The following PEAK1 variants were observed in gnomAD, a reference collection of about 807,000 sequenced individuals.
The protein encoded by PEAK1 is inactive tyrosine-protein kinase PEAK1.
Under a neutral mutation model 124.7 loss-of-function variants are expected in PEAK1, and 54 were observed. That is an observed-to-expected ratio of 0.43 (90% CI 0.35 to 0.54). PEAK1 has a LOEUF of 0.54. Among genes scored for constraint, PEAK1 ranks in the 20% least tolerant of loss-of-function variants. The pLI, the probability that PEAK1 is intolerant of heterozygous loss-of-function variation, is 0.01. For missense variants in PEAK1, 2,046 were observed against 2,134.5 expected (o/e 0.96, Z 0.82); for synonymous variants, 719 against 760.0 (o/e 0.95, Z 0.89).
intron 5 of PEAK1, among the ~76,000 whole-genome samples, chr15:77,265,040 C>T (rs1400123609): frequency 6.6e-6 from 1 of 152,180 alleles, no homozygotes; most frequent in Non-Finnish European, 1.5e-5. Context: ...GCTGGGAAAA[C>T]TGTCTAGCCA....
chr15:77,337,835 G>A, intron 2 of PEAK1: 1 of 985,230 alleles, frequency 1.0e-6, no homozygotes, highest in Non-Finnish European at 1.2e-6. Flanking sequence ...ATGCAATAGA[G>A]CTAAGAAGAG....
Position 77,133,107 on chromosome 15 carries a change from T to G in PEAK1, c.3975A>C (p.Ser1325=). ...GTTTGTCACTGGTTAGCCTGAAGTC[T>G]GACCAGCTGTCCACTCCAAAACGGA... The part of the protein sequence containing the change: ...DQLRFGVDSW[S]DFRLTSDKPC... The change falls in exon 9 of 10, where the codon TCA becomes TCC. Residue 1325 remains serine (S), a synonymous_variant. Coordinates refer to ENST00000682557, the MANE Select transcript of PEAK1 (RefSeq NM_001385026.1). The surrounding 1 kb of genome is among the most constrained non-coding windows in gnomAD (Gnocchi z 4.2). The G allele has an allele frequency of 3.7e-6, 6 of 1,614,264 alleles. No homozygotes were observed. The highest frequency in any genetic ancestry group is 5.1e-6 in the Non-Finnish European group (6 of 1,180,040).
chr15:77,168,202 A>G (rs2056247993), intron 7 of PEAK1, among the ~76,000 whole-genome samples: 3 of 151,226 alleles, frequency 2.0e-5, no homozygotes, highest in Admixed American at 2.0e-4. Context: ...TTCATTTTCC[A>G]TGCCATATGT....
At chr15:77,306,974 A>G (rs925801902) in intron 2 of PEAK1, among the ~76,000 whole-genome samples, 1 of 152,176 alleles carries the variant, frequency 6.6e-6, no homozygotes, top group Non-Finnish European at 1.5e-5. Context: ...TCTCAATTAA[A>G]GGTTCCATAT....
At chr15:77,212,823 A>G (rs1423367897) in intron 6 of PEAK1, among the ~76,000 whole-genome samples, 1 of 152,234 alleles carries the variant, frequency 6.6e-6, no homozygotes, top group Admixed American at 6.5e-5. Context: ...GATATGAGAA[A>G]CATCTCATCA....
chr15:77,175,937 G>A (rs1220207501), intron 7 of PEAK1, among the ~76,000 whole-genome samples: 2 of 152,138 alleles, frequency 1.3e-5, no homozygotes, highest in Non-Finnish European at 2.9e-5. Context: ...AAAATGATGA[G>A]TTCATGTCCT....
chr15:77,135,369 G>T (rs2053226938), intron 8 of PEAK1, among the ~76,000 whole-genome samples: 2 of 152,212 alleles, frequency 1.3e-5, no homozygotes, highest in African/African-American at 4.8e-5. Flanking sequence ...TGTTGCTTAT[G>T]ACAGGGATAA....
intron 2 of PEAK1, among the ~76,000 whole-genome samples, chr15:77,313,702 A>ATATATATATATATATATATATATG (rs1213561861): frequency 6.7e-5 from 8 of 119,440 alleles, no homozygotes; most frequent in African/African-American, 2.9e-4. Flanking sequence ...GTATATATAT[A>ATATATATATATATATATATATATG]TATGTATGTG....
At position 77,345,238 on chromosome 15, in the gene PEAK1, T is replaced by G. The variant is rs577663876; in HGVS notation, c.-603+19925A>C. Among the ~76,000 whole-genome samples the G allele has an allele frequency of 1.5e-3, 224 of 152,322 alleles. 1 individual carries two copies. Among genetic ancestry groups the G allele is most frequent in the African/African-American group, 5.2e-3 (216 of 41,576 alleles). ...CTACTCTTAATTTGTTGAGTGTTTT[T>G]TATCGTGAAAGGGTGTTAAATCTTG... On this transcript the variant is annotated intron_variant, in intron 2 of 9. Coordinates refer to ENST00000682557, the MANE Select transcript of PEAK1 (RefSeq NM_001385026.1).
At chr15:77,159,797 G>A (rs966761909) in intron 7 of PEAK1, among the ~76,000 whole-genome samples, 1 of 152,178 alleles carries the variant, frequency 6.6e-6, no homozygotes, top group Non-Finnish European at 1.5e-5. Context: ...GGATTTAAGG[G>A]AGTAGATCTA....
chr15:77,152,284 CTGTT>C (rs1305500232), intron 8 of PEAK1, among the ~76,000 whole-genome samples: 4 of 152,150 alleles, frequency 2.6e-5, no homozygotes, highest in East Asian at 1.9e-4. Flanking sequence ...ATTTGGCTCT[CTGTT>C]TGTCTGTTAT....
intron 6 of PEAK1, among the ~76,000 whole-genome samples, chr15:77,204,053 T>C (rs906100947): frequency 3.3e-5 from 5 of 152,208 alleles, no homozygotes; most frequent in African/African-American, 1.2e-4. Context: ...AAAATAACTC[T>C]TAATTCTCAA....
intron 1 of PEAK1, chr15:77,401,549 T>C (rs1160867411): frequency 1.0e-6 from 1 of 977,652 alleles, no homozygotes; most frequent in East Asian, 1.1e-4. Flanking sequence ...TTTTGTTTCT[T>C]AAAAAACTCA....
chr15:77,338,337 TGAGG>T (rs905865872), intron 2 of PEAK1, among the ~76,000 whole-genome samples: 8 of 152,310 alleles, frequency 5.3e-5, no homozygotes, highest in African/African-American at 1.7e-4. Flanking sequence ...TTCCTCTTGC[TGAGG>T]GAGGAAGCTA....
At chr15:77,266,181 A>G (rs542259149) in intron 5 of PEAK1, among the ~76,000 whole-genome samples, 29 of 152,360 alleles carry the variant, frequency 1.9e-4, no homozygotes, top group African/African-American at 5.8e-4. Flanking sequence ...GCAGCGCACC[A>G]GCATGTCACA....
intron 8 of PEAK1, among the ~76,000 whole-genome samples, chr15:77,136,259 A>C (rs939080290): frequency 2.7e-4 from 41 of 152,226 alleles, no homozygotes; most frequent in African/African-American, 7.2e-4. Context: ...TGAACTTGAG[A>C]GAGAAGACTT....
chr15:77,416,112 A>G (rs1193850291), intron 1 of PEAK1, among the ~76,000 whole-genome samples: 1 of 152,208 alleles, frequency 6.6e-6, no homozygotes, highest in African/African-American at 2.4e-5. Context: ...AGACTTCATT[A>G]GGTCTTTATC....
chr15:77,168,421 T>C (rs1423155521), intron 7 of PEAK1, among the ~76,000 whole-genome samples: 2 of 152,180 alleles, frequency 1.3e-5, no homozygotes, highest in Admixed American at 1.3e-4. Flanking sequence ...GGCCACATGG[T>C]AAGTATTTTA....
At chr15:77,321,840 G>GT (rs1195249385) in intron 2 of PEAK1, among the ~76,000 whole-genome samples, 1 of 152,094 alleles carries the variant, frequency 6.6e-6, no homozygotes, top group Non-Finnish European at 1.5e-5. Flanking sequence ...TGTATAAGGT[G>GT]TAAGGAAGGG....
Sources: gnomAD v4.1 joint callset for allele counts (sites outside exome capture counted in the v4.1 genomes callset) on GRCh38, gnomAD v4.1.1 for gene constraint, Gnocchi (gnomAD v3.1) non-coding constraint, MANE v1.5 for transcripts, NCBI Gene and HGNC (gene_info 2026-07-23, HGNC 2026-07-21) for gene names.